The following CDH13 variants were observed in gnomAD, a reference collection of about 807,000 sequenced individuals.
The protein encoded by CDH13 is cadherin-13.
In CDH13, 24 loss-of-function variants were observed where a neutral mutation model predicts 63.8. That is an observed-to-expected ratio of 0.38 (90% CI 0.27 to 0.53). The LOEUF is 0.53. Among genes scored for constraint, CDH13 ranks in the 20% least tolerant of loss-of-function variants. CDH13 has a pLI of 0.85. For synonymous variants in CDH13, 503 were observed against 355.3 expected, an observed-to-expected ratio of 1.42 and a Z score of -4.67; for missense variants, 1,049 against 903.1, an observed-to-expected ratio of 1.16 and a Z score of -2.07.
At chr16:83,306,920 G>T (rs2089893968) in intron 5 of CDH13, among the ~76,000 whole-genome samples, 1 of 152,188 alleles carries the variant, frequency 6.6e-6, no homozygotes, top group Admixed American at 6.5e-5. Flanking sequence ...TATCCGTAAA[G>T]TTGTGGAAAG....
At position 83,047,918 on chromosome 16, in the gene CDH13, G is replaced by A. The variant is rs1282641220; in HGVS notation, c.366+15700G>A. Among the ~76,000 whole-genome samples the A allele has an allele frequency of 6.6e-6, 1 of 152,120 alleles. No homozygotes were observed. The highest frequency in any genetic ancestry group is 1.5e-5 in the Non-Finnish European group (1 of 68,036). On this transcript the variant is annotated intron_variant, in intron 3 of 13. Transcript: ENST00000567109. This position sits in a 1 kb window ranked among gnomAD's most constrained non-coding sequence, Gnocchi z 4.9. ...AAGACGGGGAGACTATGTGTGACCA[G>A]CACAGGGTCATACATCTAGAATATT...
chr16:83,230,215 C>T (rs2039964602), intron 5 of CDH13, among the ~76,000 whole-genome samples: 1 of 152,216 alleles, frequency 6.6e-6, no homozygotes, highest in African/African-American at 2.4e-5. Flanking sequence ...ACCAAAGTCA[C>T]ATTAGTTCCT....
chr16:83,690,523 G>A (rs1165057286), intron 10 of CDH13, among the ~76,000 whole-genome samples: 1 of 152,134 alleles, frequency 6.6e-6, no homozygotes, highest in Admixed American at 6.5e-5. Flanking sequence ...AAATGAGGCC[G>A]ATGCTCCGGA....
intron 5 of CDH13, among the ~76,000 whole-genome samples, chr16:83,307,081 C>T (rs1200318218): frequency 6.6e-6 from 1 of 152,130 alleles, no homozygotes; most frequent in Non-Finnish European, 1.5e-5. Flanking sequence ...TTGGGTGGGG[C>T]TGTCAATTTT....
At chr16:83,215,682 T>C (rs72802223) in intron 4 of CDH13, among the ~76,000 whole-genome samples, 27,628 of 151,340 alleles carry the variant, frequency 0.18, 3,923 homozygotes, top group African/African-American at 0.4. Flanking sequence ...CCCATTTTGA[T>C]TAGGAGAGGG....
At chr16:82,692,885 A>C (rs2150979293) in intron 1 of CDH13, among the ~76,000 whole-genome samples, 1 of 152,314 alleles carries the variant, frequency 6.6e-6, no homozygotes, top group African/African-American at 2.4e-5. Flanking sequence ...TCACGGCCTC[A>C]GGTAATCCTC....
At chr16:83,602,107 CAAAAAAAAAAAAAAAAAAAAAAAA>C (rs869202510) in intron 7 of CDH13, among the ~76,000 whole-genome samples, 1 of 7,958 alleles carries the variant, frequency 1.3e-4, no homozygotes, top group Non-Finnish European at 1.9e-4. Flanking sequence ...AGAACAACAA[CAAAAAAAAAAAAAAAAAAAAAAAA>C]AAAAAAAAAA....
intron 2 of CDH13, among the ~76,000 whole-genome samples, chr16:82,930,436 C>T (rs561153595): frequency 6.7e-6 from 1 of 149,394 alleles, no homozygotes; most frequent in African/African-American, 2.5e-5. Flanking sequence ...ACATAGGTGT[C>T]TTAACTATGG....
intron 1 of CDH13, among the ~76,000 whole-genome samples, chr16:82,728,671 G>A (rs1021978066): frequency 3.0e-4 from 46 of 152,268 alleles, no homozygotes; most frequent in Admixed American, 2.9e-3. Context: ...TGATCAGGGT[G>A]GGGGTTGCTG....
chr16:83,303,453 G>T (rs903100231), intron 5 of CDH13, among the ~76,000 whole-genome samples: 1 of 152,162 alleles, frequency 6.6e-6, no homozygotes, highest in Admixed American at 6.5e-5. Context: ...CTGAGACAAT[G>T]GTTAGTAAAT....
chr16:83,613,650 G>T (rs1228576177), intron 8 of CDH13, among the ~76,000 whole-genome samples: 1 of 152,060 alleles, frequency 6.6e-6, no homozygotes, highest in African/African-American at 2.4e-5. Flanking sequence ...GGCCAACATG[G>T]TGAAACCCTG....
intron 2 of CDH13, among the ~76,000 whole-genome samples, chr16:82,903,455 A>G (rs911202092): frequency 2.4e-4 from 37 of 152,336 alleles, no homozygotes; most frequent in African/African-American, 7.9e-4. Context: ...CATGGTCTCC[A>G]AATTTTTATC....
chr16:82,935,399 G>A lies in CDH13; in HGVS notation c.157+76926G>A, dbSNP rs532267956. 8.5e-5 allele frequency among the ~76,000 whole-genome samples: 13 copies of A among 152,284 alleles called. No individual in the cohort carries two copies. In the South Asian group the frequency reaches 2.7e-3, roughly 32 times the overall value. On this transcript the variant is annotated intron_variant, in intron 2 of 13. Transcript: ENST00000567109. ...CAATTCAAGATGAGATTTGGGTGGG[G>A]ACATAAAGCCAGACCGTATGACATG...
In CDH13 at chr16:82,747,922, CT is replaced by C. The variant is rs554099046; in HGVS notation, c.46-110434del. On this transcript the variant is annotated intron_variant, in intron 1 of 13. Transcript: ENST00000567109. ...CATTTGTTTACATCCAGGCAACCTT[CT>C]TTTTTAAAAACCAAGGCACAATTTT... Among the ~76,000 whole-genome samples the C allele has an allele frequency of 2.9e-4, 44 of 152,284 alleles. No individual in the cohort carries two copies. The East Asian group carries it at 7.5e-3, about 26-fold the overall frequency.
At chr16:83,282,451 G>A (rs553431761) in intron 5 of CDH13, among the ~76,000 whole-genome samples, 1 of 152,280 alleles carries the variant, frequency 6.6e-6, no homozygotes, top group South Asian at 2.1e-4. Flanking sequence ...AATAGGAGAA[G>A]CTAAAAATGT....
At position 83,034,325 on chromosome 16, in the gene CDH13, C is replaced by T. The variant is rs369270865; in HGVS notation, c.366+2107C>T. Among the ~76,000 whole-genome samples, 23 of 152,222 alleles carry T rather than the reference C, an allele frequency of 1.5e-4. No individual in the cohort carries two copies. The East Asian group carries it at 3.9e-3, about 26-fold the overall frequency. On this transcript the variant is annotated intron_variant, in intron 3 of 13. Coordinates refer to ENST00000567109, the MANE Select transcript of CDH13 (RefSeq NM_001257.5). Reference sequence around the variant, plus strand: ...CCTGGGCTGGATGAACTTCACAATTCCCCTTCAGCATCTGTGAAGCTGTGA... The same window carrying T: ...CCTGGGCTGGATGAACTTCACAATTTCCCTTCAGCATCTGTGAAGCTGTGA...
intron 9 of CDH13, among the ~76,000 whole-genome samples, chr16:83,672,409 C>CTTTTT (rs34156503): frequency 0.03 from 1,055 of 35,134 alleles, 332 homozygotes; most frequent in Middle Eastern, 0.071. Flanking sequence ...TCTGGATTCT[C>CTTTTT]TTTTTTTTTT....
At chr16:82,782,550 TCA>T (rs1491487345) in intron 1 of CDH13, among the ~76,000 whole-genome samples, 846 of 80,066 alleles carry the variant, frequency 0.011, 10 homozygotes, top group African/African-American at 0.026. Context: ...AGACTCCATC[TCA>T]AAAAAAAAAA....
intron 5 of CDH13, among the ~76,000 whole-genome samples, chr16:83,252,136 A>ATG (rs869267532): frequency 0.1 from 13,074 of 128,340 alleles, 653 homozygotes; most frequent in Non-Finnish European, 0.12. Context: ...ACACATATAT[A>ATG]TGTATATATA....
Sources: allele counts gnomAD v4.1 joint callset (sites outside exome capture counted in the v4.1 genomes callset), GRCh38; gene constraint gnomAD v4.1.1; non-coding constraint Gnocchi (gnomAD v3.1); transcripts MANE v1.5; gene names NCBI Gene and HGNC (gene_info 2026-07-23, HGNC 2026-07-21).